Variants in GRM8 observed in about 807,000 individuals in gnomAD.
GRM8 encodes the protein metabotropic glutamate receptor 8.
In GRM8, 47 loss-of-function variants were observed where a neutral mutation model predicts 87.2. That is an observed-to-expected ratio of 0.54 (90% confidence interval 0.43 to 0.69). The LOEUF (loss-of-function observed/expected upper bound fraction) is 0.69. Ranked by LOEUF, GRM8 falls within the 30% of genes least tolerant of loss-of-function variation. GRM8 has a pLI of 0.00. For missense variants in GRM8, 1,019 were observed against 1,139.2 expected (o/e 0.89, Z 1.52); for synonymous variants, 396 against 404.5 (o/e 0.98, Z 0.25).
chr7:126,483,754 TCCC>T (rs1807020990), intron 9 of GRM8, among the ~76,000 whole-genome samples: 6 of 24,274 alleles, frequency 2.5e-4, no homozygotes, highest in African/African-American at 8.7e-4. Flanking sequence ...CCTCCCTCCC[TCCC>T]TCCCTCCCTC....
chr7:126,871,039 C>G (rs1201466014), intron 6 of GRM8, among the ~76,000 whole-genome samples: 1 of 152,136 alleles, frequency 6.6e-6, no homozygotes, highest in Non-Finnish European at 1.5e-5. Context: ...GAAAATCCCA[C>G]ATCTTGTAAA....
intron 6 of GRM8, among the ~76,000 whole-genome samples, chr7:126,818,926 G>T (rs574864096): frequency 6.6e-6 from 1 of 152,242 alleles, no homozygotes; most frequent in South Asian, 2.1e-4. Context: ...CAATCAATTA[G>T]GGATTCCTTC....
intron 3 of GRM8, among the ~76,000 whole-genome samples, chr7:127,057,008 T>C (rs1215538858): frequency 6.6e-6 from 1 of 152,178 alleles, no homozygotes; most frequent in East Asian, 1.9e-4. Context: ...CAGTATTCTC[T>C]GGATTGTGAA....
chr7:127,102,480 G>A (rs1226601376), intron 3 of GRM8, among the ~76,000 whole-genome samples: 1 of 152,170 alleles, frequency 6.6e-6, no homozygotes, highest in Non-Finnish European at 1.5e-5. Context: ...CAGGTCCAGG[G>A]CCCCACTGCC....
rs572652925 is a variant in GRM8, at chr7:126,523,807, A to C, written c.2430+9145T>G. On this transcript the variant is annotated intron_variant, in intron 9 of 10. Transcript: ENST00000339582. ...CCACCATGCCCGGCCAGACCCCTCA[A>C]TTTTTAAAATTTATATTACTATTTT... 2.6e-5 allele frequency among the ~76,000 whole-genome samples: 4 copies of C among 152,144 alleles called. No individual in the cohort carries two copies. The East Asian group carries it at 7.7e-4, about 29-fold the overall frequency.
intron 3 of GRM8, chr7:127,095,608 C>G (rs1421423094): frequency 6.6e-6 from 1 of 152,188 alleles, no homozygotes; most frequent in African/African-American, 2.4e-5. Context: ...CCTTAGGAAA[C>G]TGTGTTTCTA....
intron 7 of GRM8, among the ~76,000 whole-genome samples, chr7:126,702,708 A>G (rs1810067387): frequency 6.6e-6 from 1 of 152,160 alleles, no homozygotes; most frequent in Admixed American, 6.6e-5. Flanking sequence ...GTAGAGGGCC[A>G]GTTCTGTGGT....
intron 1 of GRM8, among the ~76,000 whole-genome samples, chr7:127,251,398 T>G (rs1798859205): frequency 6.6e-6 from 1 of 152,262 alleles, no homozygotes; most frequent in South Asian, 2.1e-4. Flanking sequence ...TCAAGGGATA[T>G]CCGAGCTTTC....
At chr7:126,961,410 C>A (rs962974000) in intron 3 of GRM8, among the ~76,000 whole-genome samples, 2 of 152,170 alleles carry the variant, frequency 1.3e-5, no homozygotes, top group Non-Finnish European at 2.9e-5. Flanking sequence ...TTCTCTTATA[C>A]CATCACCGTG....
At chr7:126,854,960 T>C (rs1727408693) in intron 6 of GRM8, among the ~76,000 whole-genome samples, 1 of 152,186 alleles carries the variant, frequency 6.6e-6, no homozygotes, top group South Asian at 2.1e-4. Flanking sequence ...GGACTTCCAG[T>C]ACTATGTTGA....
intron 3 of GRM8, among the ~76,000 whole-genome samples, chr7:127,050,021 AT>A (rs1819315172): frequency 6.6e-6 from 1 of 152,194 alleles, no homozygotes; most frequent in Admixed American, 6.5e-5. Flanking sequence ...AAAGATATGG[AT>A]TTAACTTTGA....
intron 2 of GRM8, among the ~76,000 whole-genome samples, chr7:127,106,921 A>C (rs994403522): frequency 2.0e-5 from 3 of 152,250 alleles, no homozygotes; most frequent in African/African-American, 7.2e-5. Flanking sequence ...ATTTCTAAAC[A>C]GTGAGAAAGA....
intron 8 of GRM8, among the ~76,000 whole-genome samples, chr7:126,563,033 T>C (rs1351571168): frequency 6.6e-6 from 1 of 152,212 alleles, no homozygotes; most frequent in East Asian, 1.9e-4. Flanking sequence ...TACTGCCCAT[T>C]GTACAATATG....
Position 126,748,605 on chromosome 7 carries a change from T to G in GRM8, c.1357+21260A>C, listed in dbSNP as rs919059407. On this transcript the variant is annotated intron_variant, in intron 7 of 10. Transcript: ENST00000339582. ...AACTAAAATCAGAGCAGGTCGGGTTTTTTTTTTTTTTTTTTTTTGTAAAAA... is the reference window on the plus strand; with the variant it reads ...AACTAAAATCAGAGCAGGTCGGGTTGTTTTTTTTTTTTTTTTTTGTAAAAA... Among the ~76,000 whole-genome samples the G allele has an allele frequency of 8.1e-3, 535 of 66,416 alleles. 1 individual carries two copies. Among genetic ancestry groups the G allele is most frequent in the Non-Finnish European group, 0.014 (368 of 25,404 alleles). 43.6% of individuals were successfully genotyped at this position (66,416 alleles called of 152,430 possible). A position where few individuals can be genotyped will look rare whatever the true frequency, so the allele number is the denominator to read the frequency against.
intron 3 of GRM8, among the ~76,000 whole-genome samples, chr7:126,944,292 A>C (rs1807290193): frequency 6.9e-6 from 1 of 145,912 alleles, no homozygotes. Flanking sequence ...TACAGAAGTA[A>C]AAGTCAGGAA....
chr7:126,991,418 G>C (rs1442447692), intron 3 of GRM8, among the ~76,000 whole-genome samples: 1 of 152,148 alleles, frequency 6.6e-6, no homozygotes, highest in Non-Finnish European at 1.5e-5. Context: ...CCGAAGCCTA[G>C]AGACTTTCCA....
At position 127,126,395 on chromosome 7, in the gene GRM8, G is replaced by A. The variant is rs181929224; in HGVS notation, c.511-19683C>T. On this transcript the variant is annotated intron_variant, in intron 2 of 10. Transcript: ENST00000339582. ...CTCAGAAACAGAAAGTCAAGTATCC[G>A]ACGCTCCCACTTATAAGTGGGAGTT... Among the ~76,000 whole-genome samples the A allele has an allele frequency of 3.1e-3, 468 of 151,940 alleles. 1 individual carries two copies. Among genetic ancestry groups the A allele is most frequent in the Non-Finnish European group, 5.5e-3 (371 of 67,832 alleles).
chr7:127,197,985 CAA>C (rs369533915), intron 2 of GRM8, among the ~76,000 whole-genome samples: 1 of 144,234 alleles, frequency 6.9e-6, no homozygotes. Context: ...GATGTGGAAT[CAA>C]AAAAAAAAGG....
chr7:127,130,450 G>A (rs544302205), intron 2 of GRM8, among the ~76,000 whole-genome samples: 3 of 152,324 alleles, frequency 2.0e-5, no homozygotes, highest in Admixed American at 6.5e-5. Flanking sequence ...ATGAAGTCCA[G>A]GCTGAGGTGG....
Sources: allele counts gnomAD v4.1 joint callset (sites outside exome capture counted in the v4.1 genomes callset), GRCh38; gene constraint gnomAD v4.1.1; transcripts MANE v1.5; gene names NCBI Gene and HGNC (gene_info 2026-07-23, HGNC 2026-07-21).